REEP1: variants seen among roughly 807,000 people sequenced by gnomAD.
REEP1 encodes receptor accessory protein 1.
Under a neutral mutation model 40.3 loss-of-function variants are expected in REEP1, and 22 were observed. That is an observed-to-expected ratio of 0.55 (90% confidence interval 0.39 to 0.78). The LOEUF (loss-of-function observed/expected upper bound fraction) is 0.78. REEP1 is among the 30% of genes least tolerant of loss of function. REEP1 has a pLI of 0.00. For missense variants in REEP1, 280 were observed against 361.1 expected (o/e 0.78, Z 1.82); for synonymous variants, 116 against 139.2 (o/e 0.83, Z 1.17).
intron 1 of REEP1, among the ~76,000 whole-genome samples, chr2:86,330,138 G>A (rs1427387979): frequency 6.6e-6 from 1 of 152,186 alleles, no homozygotes; most frequent in Non-Finnish European, 1.5e-5. Context: ...AGGGAAGTGA[G>A]AAAGATATTT....
intron 1 of REEP1, among the ~76,000 whole-genome samples, chr2:86,322,180 A>C (rs1428039128): frequency 6.6e-6 from 1 of 152,184 alleles, no homozygotes; most frequent in African/African-American, 2.4e-5. Flanking sequence ...ATTTTATTGA[A>C]AGTCATTAAA....
chr2:86,312,983 C>T (rs1679828399), intron 1 of REEP1, among the ~76,000 whole-genome samples: 1 of 151,962 alleles, frequency 6.6e-6, no homozygotes, highest in African/African-American at 2.4e-5. Flanking sequence ...CATTTAGCTA[C>T]CATCCTTCTT....
rs527965401 is a variant in REEP1 at position 86,250,191 on chromosome 2, T to C, written c.417+1766A>G. On this transcript the variant is annotated intron_variant, in intron 5 of 8. Coordinates refer to ENST00000538924, the MANE Select transcript of REEP1 (RefSeq NM_001371279.1). ...CCAGAAAAGGATGGCCTGCAGAAGT[T>C]ATTGTCAGAATGAAATCTACATGCA... 1.2e-4 allele frequency among the ~76,000 whole-genome samples: 18 copies of C among 152,300 alleles called. No individual in the cohort carries two copies. The East Asian group carries it at 3.5e-3, about 29-fold the overall frequency.
At chr2:86,270,295 C>T (rs1313791129) in intron 2 of REEP1, among the ~76,000 whole-genome samples, 2 of 152,144 alleles carry the variant, frequency 1.3e-5, no homozygotes, top group Non-Finnish European at 2.9e-5. Context: ...CTCCCAGGCT[C>T]AAGTGATTCT....
chr2:86,252,118 ATC>A (rs761479069), intron 4 of REEP1, 48 bp from the exon 5 acceptor site: 1 of 1,288,904 alleles, frequency 7.8e-7, no homozygotes, highest in South Asian at 1.2e-5. Context: ...GTTCAAACAC[ATC>A]TCTGTTTTCT....
At chr2:86,257,573 T>C (rs534452522) in intron 3 of REEP1, among the ~76,000 whole-genome samples, 149 of 151,560 alleles carry the variant, frequency 9.8e-4, no homozygotes, top group African/African-American at 3.1e-3. Context: ...AGCACATACA[T>C]ACAATCAACA....
chr2:86,255,554 G>C (rs994192259), intron 3 of REEP1, among the ~76,000 whole-genome samples: 3 of 152,198 alleles, frequency 2.0e-5, no homozygotes, highest in Non-Finnish European at 4.4e-5. Context: ...GTACGTGCCA[G>C]CTTGTACTGA....
intron 1 of REEP1, among the ~76,000 whole-genome samples, chr2:86,306,380 C>T (rs947614565): frequency 6.6e-6 from 1 of 152,128 alleles, no homozygotes; most frequent in Non-Finnish European, 1.5e-5. Flanking sequence ...ACACAGAATA[C>T]ACAAAAATAT....
chr2:86,217,811 C>T (rs1470410681), intron 8 of REEP1, among the ~76,000 whole-genome samples: 4 of 151,798 alleles, frequency 2.6e-5, no homozygotes, highest in Non-Finnish European at 5.9e-5. Flanking sequence ...TCAGATTTTT[C>T]GATTAGGGAT....
At chr2:86,290,939 G>A (rs1678663036) in intron 1 of REEP1, among the ~76,000 whole-genome samples, 1 of 152,128 alleles carries the variant, frequency 6.6e-6, no homozygotes, top group Admixed American at 6.5e-5. Context: ...AGCAGAACTG[G>A]CCCACTATGC....
intron 1 of REEP1, among the ~76,000 whole-genome samples, chr2:86,296,474 A>G (rs190362988): frequency 1.2e-4 from 18 of 152,372 alleles, no homozygotes; most frequent in Non-Finnish European, 1.3e-4. Context: ...AATTAGTAAA[A>G]TATTTTGATC....
intron 5 of REEP1, among the ~76,000 whole-genome samples, chr2:86,241,127 C>T (rs1288204263): frequency 6.6e-6 from 1 of 152,238 alleles, no homozygotes; most frequent in African/African-American, 2.4e-5. Context: ...AGGGACCCTC[C>T]ACATACAGCA....
intron 1 of REEP1, among the ~76,000 whole-genome samples, chr2:86,323,423 G>C (rs1428316579): frequency 6.6e-6 from 1 of 152,032 alleles, no homozygotes; most frequent in Non-Finnish European, 1.5e-5. Context: ...GGTCTGTTAG[G>C]AACCTGGCTG....
chr2:86,303,209 ATTG>A (rs1471737047), intron 1 of REEP1, among the ~76,000 whole-genome samples: 13 of 122,416 alleles, frequency 1.1e-4, no homozygotes, highest in Non-Finnish European at 3.2e-5. Context: ...TGCCCGGCTA[ATTG>A]TTTTTTTTTT....
At position 86,216,997 on chromosome 2, in the gene REEP1, G is replaced by A; in HGVS notation, c.*42C>T. 1.3e-6 allele frequency: 2 copies of A among 1,562,706 alleles called. No homozygotes were observed. Among genetic ancestry groups the A allele is most frequent in the Non-Finnish European group, 1.8e-6 (2 of 1,133,496 alleles). On this transcript the variant is annotated 3_prime_UTR_variant, in exon 9 of 9. Transcript: ENST00000538924. ...TTAGTGAATAGCTCTTTAAGGCAGA[G>A]AAGAAACATTCTGTGGATCCGGTGC...
At chr2:86,281,577 G>A (rs781662217) in intron 2 of REEP1, among the ~76,000 whole-genome samples, 15 of 152,286 alleles carry the variant, frequency 9.8e-5, no homozygotes, top group Middle Eastern at 6.8e-3. Context: ...GCAGTGAGCC[G>A]AGGTTGTGCC....
chr2:86,312,498 TAA>T (rs1451554818), intron 1 of REEP1, among the ~76,000 whole-genome samples: 2 of 152,190 alleles, frequency 1.3e-5, no homozygotes, highest in East Asian at 3.9e-4. Flanking sequence ...ACAAGAGCTG[TAA>T]AATCAGACAG....
intron 6 of REEP1, among the ~76,000 whole-genome samples, chr2:86,230,765 T>C (rs998786032): frequency 2.6e-5 from 4 of 152,108 alleles, no homozygotes; most frequent in African/African-American, 9.7e-5. Context: ...CTTGTGTAGA[T>C]AAGAAATCTA....
intron 5 of REEP1, among the ~76,000 whole-genome samples, chr2:86,236,357 T>C (rs1429990231): frequency 6.6e-6 from 1 of 152,234 alleles, no homozygotes; most frequent in Non-Finnish European, 1.5e-5. Flanking sequence ...GCAGAATCTT[T>C]GTTATTCTAG....
Sources: allele counts gnomAD v4.1 joint callset (sites outside exome capture counted in the v4.1 genomes callset), GRCh38; gene constraint gnomAD v4.1.1; transcripts MANE v1.5; gene names NCBI Gene and HGNC (gene_info 2026-07-23, HGNC 2026-07-21).